Variants in ABI1 observed in about 807,000 individuals in gnomAD.
The protein encoded by ABI1 is abl interactor 1, also known as Abelson interactor 1.
A neutral mutation model predicts 54.6 loss-of-function variants in ABI1; 14 were observed. The observed-to-expected ratio is 0.26, with a 90% CI of 0.17 to 0.40. ABI1 has a LOEUF of 0.40. Ranked by LOEUF, ABI1 falls within the 10% of genes least tolerant of loss-of-function variation. The pLI is 1.00. For missense variants in ABI1, 443 were observed against 598.3 expected (o/e 0.74, Z 2.71); for synonymous variants, 194 against 209.3 (o/e 0.93, Z 0.63).
intron 5 of ABI1, among the ~76,000 whole-genome samples, chr10:26,769,743 G>A (rs1223214446): frequency 6.6e-6 from 1 of 152,114 alleles, no homozygotes; most frequent in African/African-American, 2.4e-5. Flanking sequence ...AGTGTGAAGA[G>A]GCCTAAGATT....
chr10:26,813,104 C>A (rs755545235), intron 2 of ABI1, among the ~76,000 whole-genome samples: 4 of 152,008 alleles, frequency 2.6e-5, no homozygotes, highest in Non-Finnish European at 4.4e-5. Context: ...CAAAAATGAC[C>A]TAGGTGTGGT....
chr10:26,771,706 ACT>A (rs1195975498), intron 3 of ABI1, among the ~76,000 whole-genome samples: 3 of 152,210 alleles, frequency 2.0e-5, no homozygotes, highest in East Asian at 3.9e-4. Context: ...GGTCTGGAAA[ACT>A]CTCTCATTCC....
chr10:26,769,593 C>T (rs961598917), intron 5 of ABI1, among the ~76,000 whole-genome samples: 4 of 151,976 alleles, frequency 2.6e-5, no homozygotes, highest in African/African-American at 9.7e-5. Flanking sequence ...TATAATATTT[C>T]CAGTATTAAG....
chr10:26,839,666 A>AATAAT, intron 1 of ABI1: 1 of 632,226 alleles, frequency 1.6e-6, no homozygotes, highest in Non-Finnish European at 2.8e-6. Context: ...AAAAAAAAAA[A>AATAAT]CATGCCAGGC....
chr10:26,779,225 C>T (rs2132944473), intron 2 of ABI1, among the ~76,000 whole-genome samples: 1 of 152,298 alleles, frequency 6.6e-6, no homozygotes, highest in South Asian at 2.1e-4. Flanking sequence ...GAATCATTAA[C>T]CAACATGTTG....
chr10:26,763,909 G>C, intron 7 of ABI1: 1 of 1,613,342 alleles, frequency 6.2e-7, no homozygotes, highest in Non-Finnish European at 8.5e-7. Flanking sequence ...GAGAAGTGGT[G>C]CCAGAGGTGG....
intron 2 of ABI1, among the ~76,000 whole-genome samples, chr10:26,792,782 C>T (rs912435641): frequency 6.6e-6 from 1 of 152,114 alleles, no homozygotes; most frequent in African/African-American, 2.4e-5. Context: ...CATAAGCAGA[C>T]AAGATTTTAA....
intron 1 of ABI1, among the ~76,000 whole-genome samples, chr10:26,845,220 C>T (rs543494739): frequency 6.2e-4 from 94 of 151,722 alleles, no homozygotes; most frequent in Non-Finnish European, 1.1e-3. Flanking sequence ...AAAATCAAAA[C>T]CCTTTCAAAA....
intron 2 of ABI1, among the ~76,000 whole-genome samples, chr10:26,788,694 C>T (rs1277392725): frequency 1.3e-5 from 2 of 151,914 alleles, no homozygotes; most frequent in African/African-American, 2.4e-5. Context: ...GGGCGGATCA[C>T]GAGGTCAGGA....
At chr10:26,816,701 C>CT (rs1012040564) in intron 2 of ABI1, among the ~76,000 whole-genome samples, 3 of 152,014 alleles carry the variant, frequency 2.0e-5, no homozygotes, top group African/African-American at 4.8e-5. Context: ...ATTAGCATAA[C>CT]TTTTTTTTCA....
At position 26,777,171 on chromosome 10, in the gene ABI1, G is replaced by C; in HGVS notation, c.356C>G (p.Ser119Ter). Residue 119 changes from serine (S) to a stop codon, truncating the protein, a stop_gained, in exon 3 of 11, where the codon TCA becomes TGA. Transcript: ENST00000376140. LOFTEE classifies it high-confidence loss of function. ...IGILTTNKNTSRTHKIIAPAN... is the reference protein window; with the variant it reads ...IGILTTNKNT Reference sequence around the variant, plus strand: ...AGGTGCTATTATTTTGTGAGTTCTTGATGTATTCTTATTTGTTGTCAAAAT... The same window carrying C: ...AGGTGCTATTATTTTGTGAGTTCTTCATGTATTCTTATTTGTTGTCAAAAT... 1 of 1,613,666 alleles carries C rather than the reference G, an allele frequency of 6.2e-7. No homozygotes were observed. Among genetic ancestry groups the C allele is most frequent in the Non-Finnish European group, 8.5e-7 (1 of 1,179,750 alleles).
chr10:26,822,147 A>G (rs1256207954), intron 2 of ABI1, among the ~76,000 whole-genome samples: 2 of 151,918 alleles, frequency 1.3e-5, no homozygotes, highest in African/African-American at 4.8e-5. Context: ...AATGTAATTC[A>G]CCATATTAAT....
chr10:26,842,129 G>A (rs2049563706), intron 1 of ABI1, among the ~76,000 whole-genome samples: 1 of 152,164 alleles, frequency 6.6e-6, no homozygotes, highest in African/African-American at 2.4e-5. Context: ...GCCACCCTAA[G>A]GGGTGTGAGG....
chr10:26,833,950 C>A (rs1365550434), intron 1 of ABI1, among the ~76,000 whole-genome samples: 3 of 152,134 alleles, frequency 2.0e-5, no homozygotes, highest in Non-Finnish European at 4.4e-5. Flanking sequence ...TATACTGGGG[C>A]CGGGCACAGT....
At chr10:26,830,081 T>C (rs1292338290) in intron 1 of ABI1, among the ~76,000 whole-genome samples, 1 of 152,224 alleles carries the variant, frequency 6.6e-6, no homozygotes, top group African/African-American at 2.4e-5. Context: ...ATCTGGCTTC[T>C]TCCACTTAGC....
intron 1 of ABI1, among the ~76,000 whole-genome samples, chr10:26,830,014 C>T (rs2048561345): frequency 6.6e-6 from 1 of 152,188 alleles, no homozygotes; most frequent in South Asian, 2.1e-4. Flanking sequence ...TCTGTCACAA[C>T]AGTTTTGCCT....
intron 2 of ABI1, among the ~76,000 whole-genome samples, chr10:26,781,638 T>C (rs1388884518): frequency 6.6e-6 from 1 of 152,228 alleles, no homozygotes; most frequent in Non-Finnish European, 1.5e-5. Context: ...AACCTTGTTA[T>C]ATTTTTACTG....
chr10:26,860,455 C>T lies in ABI1; in HGVS notation c.117+292G>A, dbSNP rs925191167. The stretch of plus-strand genomic sequence containing the variant: ...GTGGCCGGGCCCTGGGGGAAGCGGA[C>T]GCGAGGGGGGCGCCGGGCTGCGGCA... On this transcript the variant is annotated intron_variant, in intron 1 of 10. Coordinates refer to ENST00000376140, the MANE Select transcript of ABI1 (RefSeq NM_001012750.3). This position sits in a 1 kb window ranked among gnomAD's most constrained non-coding sequence, Gnocchi z 4.1. 5.3e-5 allele frequency among the ~76,000 whole-genome samples: 8 copies of T among 152,162 alleles called. No homozygotes were observed. In the East Asian group the frequency reaches 1.2e-3, roughly 22 times the overall value.
intron 1 of ABI1, among the ~76,000 whole-genome samples, chr10:26,854,198 G>T (rs2050633441): frequency 6.6e-6 from 1 of 152,084 alleles, no homozygotes; most frequent in South Asian, 2.1e-4. Flanking sequence ...CTCTCCAAAA[G>T]ACAGAAGCAT....
Sources: allele counts gnomAD v4.1 joint callset (sites outside exome capture counted in the v4.1 genomes callset), GRCh38; gene constraint gnomAD v4.1.1; non-coding constraint Gnocchi (gnomAD v3.1); transcripts MANE v1.5; gene names NCBI Gene and HGNC (gene_info 2026-07-23, HGNC 2026-07-21).